AHI1: variants seen among roughly 807,000 people sequenced by gnomAD.
The protein encoded by AHI1 is Abelson helper integration site 1, also known as jouberin.
In AHI1, 123 loss-of-function variants were observed where a neutral mutation model predicts 149.3. That is an observed-to-expected ratio of 0.82 (90% confidence interval 0.71 to 0.96). The LOEUF is 0.96. Ranked by LOEUF, AHI1 falls within the 40% of genes least tolerant of loss-of-function variation. The pLI is 0.00. For synonymous variants in AHI1, 475 were observed against 459.8 expected, an observed-to-expected ratio of 1.03 and a Z score of -0.42; for missense variants, 1,439 against 1,422.7, an observed-to-expected ratio of 1.01 and a Z score of -0.18.
At chr6:135,472,393 C>T (rs1405064650) in intron 5 of AHI1, among the ~76,000 whole-genome samples, 1 of 152,116 alleles carries the variant, frequency 6.6e-6, no homozygotes, top group African/African-American at 2.4e-5. Flanking sequence ...GAGTAGTATT[C>T]CATTGTACAG....
intron 27 of AHI1, 42 bp downstream of exon 27, chr6:135,300,458 C>A: frequency 6.6e-7 from 1 of 1,518,766 alleles, no homozygotes; most frequent in South Asian, 1.4e-5. Context: ...AAGAAAACCC[C>A]AACCATTTAT....
chr6:135,385,090 C>G (rs1348698894), intron 23 of AHI1, among the ~76,000 whole-genome samples: 1 of 151,892 alleles, frequency 6.6e-6, no homozygotes, highest in African/African-American at 2.4e-5. Flanking sequence ...CACCATCCCC[C>G]CCACCTCCCA....
chr6:135,469,172 A>G (rs2614269), intron 5 of AHI1, among the ~76,000 whole-genome samples: 149,117 of 152,276 alleles, frequency 0.98, 73,022 homozygotes, highest in East Asian at 1. Context: ...CCATCAAGTC[A>G]GCTTCATCCA....
At chr6:135,341,683 T>A (rs2244745) in intron 24 of AHI1, among the ~76,000 whole-genome samples, 70,407 of 151,668 alleles carry the variant, frequency 0.46, 17,947 homozygotes, top group Middle Eastern at 0.62. Flanking sequence ...GAAAATTTCA[T>A]AATGTATGGA....
At chr6:135,490,161 T>C (rs576066545) in intron 5 of AHI1, 10 of 719,912 alleles carry the variant, frequency 1.4e-5, no homozygotes, top group Non-Finnish European at 2.1e-5. Flanking sequence ...GATTCTATCA[T>C]TTGAAAGTGT....
At chr6:135,434,838 A>G (rs535069662) in intron 15 of AHI1, among the ~76,000 whole-genome samples, 2 of 152,286 alleles carry the variant, frequency 1.3e-5, no homozygotes, top group South Asian at 4.1e-4. Context: ...AAAAGGGAAT[A>G]GTGGGCACAT....
chr6:135,431,237 G>C lies in AHI1; in HGVS notation c.2344C>G (p.His782Asp), dbSNP rs201881881. 1.2e-6 allele frequency: 2 copies of C among 1,605,052 alleles called. No homozygotes were observed. Among genetic ancestry groups the C allele is most frequent in the South Asian group, 2.2e-5 (2 of 89,840 alleles). Residue 782 changes from histidine (H) to aspartate (D), a missense_variant, in exon 17 of 29, where the codon CAT (histidine) becomes GAT (aspartate). Transcript: ENST00000265602. The stretch of plus-strand genomic sequence containing the variant: ...TTTATAGTCCAGTGGTGCACTGAAT[G>C]TTCCAAATCATTAATCTTGACATAG... ...NTYVKINDLE[H>D]SVHHWTINKE... is the part of the protein sequence containing the mutation.
chr6:135,476,572 T>C (rs1792682038), intron 5 of AHI1, among the ~76,000 whole-genome samples: 1 of 152,172 alleles, frequency 6.6e-6, no homozygotes, highest in Non-Finnish European at 1.5e-5. Context: ...TGAAAGAGGA[T>C]ACTAACATAT....
intron 23 of AHI1, among the ~76,000 whole-genome samples, chr6:135,371,418 T>C (rs948622701): frequency 2.4e-4 from 36 of 152,172 alleles, no homozygotes; most frequent in Admixed American, 2.0e-3. Context: ...TCCTCCTCTA[T>C]AGAAGCTTGT....
chr6:135,445,404 A>G (rs1193252823), intron 13 of AHI1, among the ~76,000 whole-genome samples: 1 of 152,222 alleles, frequency 6.6e-6, no homozygotes, highest in Non-Finnish European at 1.5e-5. Flanking sequence ...AGAACACTTT[A>G]GTAAAAGCTT....
intron 13 of AHI1, among the ~76,000 whole-genome samples, chr6:135,444,869 T>C (rs958767060): frequency 6.6e-6 from 1 of 152,232 alleles, no homozygotes; most frequent in Non-Finnish European, 1.5e-5. Flanking sequence ...AGAATCATTA[T>C]GAAAAGAAGT....
At chr6:135,350,326 T>C (rs1035335118) in intron 24 of AHI1, among the ~76,000 whole-genome samples, 4 of 152,226 alleles carry the variant, frequency 2.6e-5, no homozygotes, top group African/African-American at 4.8e-5. Flanking sequence ...TCCGAGATGC[T>C]ACATTATCCC....
chr6:135,492,583 A>G (rs1028756001), intron 3 of AHI1: 11 of 984,856 alleles, frequency 1.1e-5, no homozygotes, highest in Non-Finnish European at 1.2e-5. Context: ...ATGTTAATAA[A>G]CTTTTTAAAG....
chr6:135,450,177 T>C (rs2128063398), intron 11 of AHI1, among the ~76,000 whole-genome samples: 1 of 152,164 alleles, frequency 6.6e-6, no homozygotes, highest in Non-Finnish European at 1.5e-5. Flanking sequence ...CAAAGAATGG[T>C]ATAAGAAAAA....
At chr6:135,369,129 C>T (rs546975137) in intron 23 of AHI1, among the ~76,000 whole-genome samples, 18 of 152,342 alleles carry the variant, frequency 1.2e-4, no homozygotes, top group East Asian at 3.9e-4. Flanking sequence ...ATATTTCACT[C>T]GGCTCTCTAA....
intron 23 of AHI1, among the ~76,000 whole-genome samples, chr6:135,373,556 T>C (rs927512256): frequency 6.6e-6 from 1 of 152,230 alleles, no homozygotes; most frequent in Non-Finnish European, 1.5e-5. Flanking sequence ...TTTATGTTTC[T>C]TGGGAGACAC....
chr6:135,361,410 A>T (rs751972657), intron 23 of AHI1, among the ~76,000 whole-genome samples: 24 of 152,222 alleles, frequency 1.6e-4, no homozygotes, highest in Middle Eastern at 3.4e-3. Context: ...TCTGCTGGTG[A>T]CTATGTTTTT....
At position 135,364,847 on chromosome 6, in the gene AHI1, G is replaced by A. The variant is rs566518508; in HGVS notation, c.3110-6660C>T. ...AGTAGGCCGAGATGGCAGCAGTACC[G>A]TCCAGCTTCGGCTTGGCATCAGAGG... On this transcript the variant is annotated intron_variant, in intron 23 of 28. Transcript: ENST00000265602. 1.6e-4 allele frequency among the ~76,000 whole-genome samples: 24 copies of A among 152,314 alleles called. No homozygotes were observed. The South Asian group carries it at 2.5e-3, about 16-fold the overall frequency.
intron 24 of AHI1, among the ~76,000 whole-genome samples, chr6:135,325,160 G>A (rs1188970051): frequency 6.6e-6 from 1 of 151,810 alleles, no homozygotes; most frequent in African/African-American, 2.4e-5. Context: ...CTGAGTAGTT[G>A]GGATTACAGG....
Sources: allele counts gnomAD v4.1 joint callset (sites outside exome capture counted in the v4.1 genomes callset), GRCh38; gene constraint gnomAD v4.1.1; transcripts MANE v1.5; gene names NCBI Gene and HGNC (gene_info 2026-07-23, HGNC 2026-07-21).